The following TRPM3 variants were observed in gnomAD, a reference collection of about 807,000 sequenced individuals.
TRPM3 encodes transient receptor potential cation channel subfamily M member 3, also known as long transient receptor potential channel 3.
TRPM3 carries 77 observed loss-of-function variants against 181.2 expected under a neutral mutation model. The observed-to-expected ratio is 0.42, with a 90% CI of 0.35 to 0.51. The LOEUF is 0.51. Ranked by LOEUF, TRPM3 falls within the 20% of genes least tolerant of loss-of-function variation. The pLI, the probability that TRPM3 is intolerant of heterozygous loss-of-function variation, is 0.01. For synonymous variants in TRPM3, 745 were observed against 796.4 expected (o/e 0.94, Z 1.09); for missense variants, 1,759 against 2,196.7 (o/e 0.80, Z 3.98).
intron 8 of TRPM3, among the ~76,000 whole-genome samples, chr9:70,752,387 A>G (rs945440773): frequency 1.3e-5 from 2 of 152,218 alleles, no homozygotes; most frequent in African/African-American, 4.8e-5. Context: ...CATATCATAC[A>G]CAAAAAAAAT....
chr9:71,396,356 G>T (rs2093193655), intron 1 of TRPM3, among the ~76,000 whole-genome samples: 1 of 150,442 alleles, frequency 6.6e-6, no homozygotes, highest in Non-Finnish European at 1.5e-5. Flanking sequence ...CGGCAGCAAT[G>T]ATTATCAAGG....
intron 1 of TRPM3, among the ~76,000 whole-genome samples, chr9:71,376,796 C>T (rs2092677807): frequency 6.6e-6 from 1 of 151,978 alleles, no homozygotes; most frequent in South Asian, 2.1e-4. Context: ...AATTTCTGTT[C>T]ACAAATGCAC....
chr9:71,005,670 C>T (rs1327815893), intron 1 of TRPM3, among the ~76,000 whole-genome samples: 4 of 151,754 alleles, frequency 2.6e-5, no homozygotes, highest in Non-Finnish European at 5.9e-5. Context: ...AATACTGTAC[C>T]CAGTAAAGCT....
intron 1 of TRPM3, among the ~76,000 whole-genome samples, chr9:71,013,201 G>T (rs2097759397): frequency 6.6e-6 from 1 of 151,922 alleles, no homozygotes; most frequent in Non-Finnish European, 1.5e-5. Flanking sequence ...TTTTTCTTTG[G>T]AGATAATATG....
At chr9:70,888,820 G>A (rs1393440675) in intron 1 of TRPM3, among the ~76,000 whole-genome samples, 1 of 152,114 alleles carries the variant, frequency 6.6e-6, no homozygotes, top group African/African-American at 2.4e-5. Flanking sequence ...ATGGGAAGGA[G>A]GCTGATTCAA....
At chr9:70,872,246 C>G (rs998673871) in intron 1 of TRPM3, among the ~76,000 whole-genome samples, 1 of 151,956 alleles carries the variant, frequency 6.6e-6, no homozygotes, top group African/African-American at 2.4e-5. Flanking sequence ...TCCAATAAAA[C>G]AGGTAGTAGG....
At chr9:70,956,519 G>T (rs2097074093) in intron 1 of TRPM3, among the ~76,000 whole-genome samples, 1 of 151,990 alleles carries the variant, frequency 6.6e-6, no homozygotes, top group African/African-American at 2.4e-5. Flanking sequence ...GGAATCTGTG[G>T]ATATATGTGC....
At chr9:71,314,362 T>C (rs2088331648) in intron 1 of TRPM3, among the ~76,000 whole-genome samples, 1 of 152,182 alleles carries the variant, frequency 6.6e-6, no homozygotes, top group Non-Finnish European at 1.5e-5. Flanking sequence ...TCTTCAACAT[T>C]TAAGTTTCTT....
intron 1 of TRPM3, among the ~76,000 whole-genome samples, chr9:71,311,123 A>G (rs890074499): frequency 3.9e-5 from 6 of 152,136 alleles, no homozygotes; most frequent in African/African-American, 1.4e-4. Flanking sequence ...AATATAAAAA[A>G]GAAAATATAG....
At chr9:71,417,927 A>T (rs759557746) in intron 1 of TRPM3, among the ~76,000 whole-genome samples, 1 of 151,984 alleles carries the variant, frequency 6.6e-6, no homozygotes, top group Non-Finnish European at 1.5e-5. Context: ...GATGGAAATA[A>T]ATTTTTTTAA....
At chr9:70,672,680 G>T (rs2063203950) in intron 9 of TRPM3, among the ~76,000 whole-genome samples, 1 of 152,046 alleles carries the variant, frequency 6.6e-6, no homozygotes, top group Admixed American at 6.5e-5. Context: ...GGGCATCCTA[G>T]TTTCTTCACT....
chr9:70,666,206 C>T (rs1387547503), intron 9 of TRPM3, among the ~76,000 whole-genome samples: 3 of 152,232 alleles, frequency 2.0e-5, no homozygotes, highest in Non-Finnish European at 4.4e-5. Flanking sequence ...ACGGCAGTTC[C>T]AGGCAGAAGC....
At chr9:70,901,911 C>A (rs1172832672) in intron 1 of TRPM3, among the ~76,000 whole-genome samples, 1 of 152,140 alleles carries the variant, frequency 6.6e-6, no homozygotes, top group East Asian at 1.9e-4. Flanking sequence ...TGATGATGTT[C>A]ATCATCATCA....
chr9:70,951,793 C>G (rs1321328745), intron 1 of TRPM3, among the ~76,000 whole-genome samples: 1 of 152,152 alleles, frequency 6.6e-6, no homozygotes, highest in Non-Finnish European at 1.5e-5. Context: ...ATGGATTTTG[C>G]AGAGCTAAAG....
rs2080047558 is a variant in TRPM3, at chr9:71,218,637, C to T, written c.183+228016G>A. Among the ~76,000 whole-genome samples, 3 of 152,204 alleles carry T rather than the reference C, an allele frequency of 2.0e-5. No individual in the cohort carries two copies. The South Asian group carries it at 6.2e-4, about 32-fold the overall frequency. Reference sequence around the variant, plus strand: ...GTCCTTCTTATAGAAACTCATGCCTCATTCATCCAACACACATAACACATT... The same window carrying T: ...GTCCTTCTTATAGAAACTCATGCCTTATTCATCCAACACACATAACACATT... On this transcript the variant is annotated intron_variant, in intron 1 of 24. Coordinates refer to the TRPM3 transcript ENST00000357533.
chr9:71,255,862 A>G (rs1380891955), intron 1 of TRPM3, among the ~76,000 whole-genome samples: 1 of 152,206 alleles, frequency 6.6e-6, no homozygotes, highest in Non-Finnish European at 1.5e-5. Flanking sequence ...TTCTCTTGGA[A>G]GAAAGCCAAC....
At chr9:71,208,327 T>C (rs1171692461) in intron 1 of TRPM3, among the ~76,000 whole-genome samples, 1 of 152,174 alleles carries the variant, frequency 6.6e-6, no homozygotes, top group African/African-American at 2.4e-5. Context: ...TTAAATTCTA[T>C]TTTGAACAAA....
intron 1 of TRPM3, among the ~76,000 whole-genome samples, chr9:71,035,338 T>C (rs2058055060): frequency 6.6e-6 from 1 of 152,206 alleles, no homozygotes; most frequent in African/African-American, 2.4e-5. Context: ...ATCTAGAAGC[T>C]ACTTTTAGAG....
At chr9:71,143,146 AAAG>A (rs1475475427) in intron 1 of TRPM3, among the ~76,000 whole-genome samples, 20 of 151,816 alleles carry the variant, frequency 1.3e-4, no homozygotes, top group African/African-American at 3.4e-4. Flanking sequence ...AAAAAAAAAA[AAAG>A]AAGTTTTTTG....
Sources: allele counts gnomAD v4.1 joint callset (sites outside exome capture counted in the v4.1 genomes callset), GRCh38; gene constraint gnomAD v4.1.1; transcripts MANE v1.5; gene names NCBI Gene and HGNC (gene_info 2026-07-23, HGNC 2026-07-21).